DEPTOR: variants seen among roughly 807,000 people sequenced by gnomAD.
The protein encoded by DEPTOR is DEP domain containing MTOR interacting protein.
DEPTOR carries 41 observed loss-of-function variants against 41.6 expected under a neutral mutation model. That is an observed-to-expected ratio of 0.98 (90% CI 0.77 to 1.28). DEPTOR has a LOEUF of 1.28. Among genes scored for constraint, DEPTOR ranks in the 50% most tolerant of loss-of-function variants. The pLI is 0.00. For synonymous variants in DEPTOR, 195 were observed against 192.3 expected, an observed-to-expected ratio of 1.01 and a Z score of -0.12; for missense variants, 514 against 527.9, an observed-to-expected ratio of 0.97 and a Z score of 0.26.
At chr8:119,974,944 C>T (rs1484320847) in intron 4 of DEPTOR, among the ~76,000 whole-genome samples, 3 of 152,004 alleles carry the variant, frequency 2.0e-5, no homozygotes, top group Non-Finnish European at 4.4e-5. Flanking sequence ...TTATTTATTA[C>T]GAGTCTCTAG....
In DEPTOR at chr8:119,929,876, C is replaced by T. The variant is rs761771425; in HGVS notation, c.363C>T (p.Asp121=). The change falls in exon 3 of 9, where the codon GAC becomes GAT. Residue 121 remains aspartate (D), a synonymous_variant. Coordinates refer to ENST00000286234, the MANE Select transcript of DEPTOR (RefSeq NM_022783.4). ...TCTTCTACCGCTTTAGAAAGGATGA[C>T]GGCACCTTCCCATTGGATAATGAAG... The part of the protein sequence containing the change: ...VKLFYRFRKD[D]GTFPLDNEVK... 5.5e-5 allele frequency: 89 copies of T among 1,613,618 alleles called. No individual in the cohort carries two copies. The highest frequency in any genetic ancestry group is 6.8e-5 in the Non-Finnish European group (80 of 1,179,824).
At position 119,946,432 on chromosome 8, in the gene DEPTOR, G is replaced by GTT. The variant is rs56272621; in HGVS notation, c.425+16508_425+16509dup. On this transcript the variant is annotated intron_variant, in intron 3 of 8. Transcript: ENST00000286234. Reference sequence around the variant, plus strand: ...GGAACCACCACCCAAATAGTGTTTGGTTTTTTTTTTTTTTTAATGTTCTCT... The same window carrying GTT: ...GGAACCACCACCCAAATAGTGTTTGGTTTTTTTTTTTTTTTTTAATGTTCTCT... Among the ~76,000 whole-genome samples the GTT allele has an allele frequency of 3.3e-3, 457 of 140,504 alleles. 1 individual carries two copies. Among genetic ancestry groups the GTT allele is most frequent in the African/African-American group, 0.011 (428 of 38,464 alleles). 92.2% of individuals were successfully genotyped at this position (140,504 alleles called of 152,430 possible).
intron 1 of DEPTOR, among the ~76,000 whole-genome samples, chr8:119,902,134 T>C (rs1395184137): frequency 6.6e-6 from 1 of 152,148 alleles, no homozygotes; most frequent in Non-Finnish European, 1.5e-5. Flanking sequence ...TGATTCCCAA[T>C]TTAGAGATGA....
chr8:120,046,583 T>C (rs1337180363), intron 8 of DEPTOR, among the ~76,000 whole-genome samples: 1 of 152,186 alleles, frequency 6.6e-6, no homozygotes, highest in Non-Finnish European at 1.5e-5. Flanking sequence ...CTGAATTATA[T>C]TTCTCCTTTC....
intron 8 of DEPTOR, among the ~76,000 whole-genome samples, chr8:120,019,710 G>T (rs1003438930): frequency 6.6e-6 from 1 of 152,162 alleles, no homozygotes; most frequent in Non-Finnish European, 1.5e-5. Context: ...TCCCTCCTTC[G>T]CCACAGTCTG....
intron 1 of DEPTOR, among the ~76,000 whole-genome samples, chr8:119,888,208 AT>A (rs1463050141): frequency 6.6e-6 from 1 of 152,028 alleles, no homozygotes; most frequent in Non-Finnish European, 1.5e-5. Flanking sequence ...ACAACATCAT[AT>A]TTTTCTCCTT....
intron 8 of DEPTOR, among the ~76,000 whole-genome samples, chr8:120,010,889 T>C (rs934194914): frequency 1.3e-5 from 2 of 152,222 alleles, no homozygotes; most frequent in Non-Finnish European, 2.9e-5. Context: ...TGAGGTTTTC[T>C]GCTTTGAAAT....
intron 4 of DEPTOR, among the ~76,000 whole-genome samples, chr8:119,966,553 C>T (rs1364531938): frequency 2.0e-5 from 3 of 152,114 alleles, no homozygotes; most frequent in African/African-American, 7.2e-5. Context: ...GGCACCATCT[C>T]AGCTCACTGC....
At chr8:120,039,624 G>A (rs571527691) in intron 8 of DEPTOR, among the ~76,000 whole-genome samples, 1 of 152,100 alleles carries the variant, frequency 6.6e-6, no homozygotes, top group South Asian at 2.1e-4. Flanking sequence ...CATGATTTTT[G>A]TTGCTCTGCT....
intron 3 of DEPTOR, among the ~76,000 whole-genome samples, chr8:119,958,506 C>T (rs910784654): frequency 2.6e-5 from 4 of 152,010 alleles, no homozygotes; most frequent in Admixed American, 1.3e-4. Flanking sequence ...ATAACGTGGC[C>T]GGGCATGGTG....
chr8:119,891,171 C>T (rs1425840506), intron 1 of DEPTOR: 5 of 151,922 alleles, frequency 3.3e-5, no homozygotes, highest in Non-Finnish European at 7.3e-5. Flanking sequence ...AGGCCTGTCC[C>T]TGCTTAGCTT....
intron 3 of DEPTOR, among the ~76,000 whole-genome samples, chr8:119,933,690 C>G (rs1040928436): frequency 2.0e-5 from 3 of 151,966 alleles, no homozygotes; most frequent in African/African-American, 7.3e-5. Context: ...GAGACATGAA[C>G]CTGGGGTGGC....
chr8:119,953,683 G>A (rs919933812), intron 3 of DEPTOR, among the ~76,000 whole-genome samples: 3 of 151,874 alleles, frequency 2.0e-5, no homozygotes, highest in Non-Finnish European at 2.9e-5. Context: ...AGTAAAGCCC[G>A]TCTATCTAGA....
intron 8 of DEPTOR, among the ~76,000 whole-genome samples, chr8:120,032,198 T>A (rs2130174622): frequency 6.9e-6 from 1 of 145,142 alleles, no homozygotes; most frequent in South Asian, 2.2e-4. Context: ...CATTCTAATA[T>A]GACACTAACT....
intron 3 of DEPTOR, among the ~76,000 whole-genome samples, chr8:119,948,176 T>A (rs1488050502): frequency 6.6e-6 from 1 of 152,216 alleles, no homozygotes. Flanking sequence ...TGCTTCCCCA[T>A]CTGATAGTAG....
chr8:119,958,947 T>C (rs1018157389), intron 3 of DEPTOR, among the ~76,000 whole-genome samples: 4 of 152,160 alleles, frequency 2.6e-5, no homozygotes, highest in Non-Finnish European at 4.4e-5. Context: ...AACTACTGTG[T>C]CCATCTTTGC....
At chr8:119,965,499 A>G in intron 4 of DEPTOR, 89 bp downstream of exon 4, 1 of 1,476,614 alleles carries the variant, frequency 6.8e-7, no homozygotes, top group South Asian at 1.3e-5. Flanking sequence ...TTTCTCACTC[A>G]TGAATCTGTA....
chr8:120,047,373 C>T (rs1813167580), intron 8 of DEPTOR, among the ~76,000 whole-genome samples: 1 of 151,406 alleles, frequency 6.6e-6, no homozygotes, highest in South Asian at 2.1e-4. Context: ...TTATTTTTTA[C>T]TTTTATTTTT....
chr8:119,958,753 G>A (rs1436732938), intron 3 of DEPTOR, among the ~76,000 whole-genome samples: 1 of 152,054 alleles, frequency 6.6e-6, no homozygotes, highest in African/African-American at 2.4e-5. Flanking sequence ...CCGTACTCCA[G>A]CCTGGGTGAC....
Sources: allele counts gnomAD v4.1 joint callset (sites outside exome capture counted in the v4.1 genomes callset), GRCh38; gene constraint gnomAD v4.1.1; transcripts MANE v1.5; gene names NCBI Gene and HGNC (gene_info 2026-07-23, HGNC 2026-07-21).